The following CHD1L variants were observed in gnomAD, a reference collection of about 807,000 sequenced individuals.
CHD1L encodes the protein ATP-dependent chromatin remodeler CHD1L.
A neutral mutation model predicts 115.9 loss-of-function variants in CHD1L; 118 were observed. The ratio of observed to expected loss-of-function variants is 1.02; its 90% confidence interval spans 0.88 to 1.19. The LOEUF (loss-of-function observed/expected upper bound fraction) is 1.19. Ranked by LOEUF, CHD1L falls within the 50% of genes most tolerant of loss-of-function variation. The pLI is 0.00. For missense variants in CHD1L, 1,179 were observed against 1,065.3 expected, an observed-to-expected ratio of 1.11 and a Z score of -1.49; for synonymous variants, 411 against 387.1, an observed-to-expected ratio of 1.06 and a Z score of -0.72.
At chr1:147,281,742 TA>T (rs1354545993) in intron 15 of CHD1L, among the ~76,000 whole-genome samples, 1 of 152,020 alleles carries the variant, frequency 6.6e-6, no homozygotes, top group Non-Finnish European at 1.5e-5. Context: ...TACATCTTTT[TA>T]AAAAGTATTT....
intron 12 of CHD1L, among the ~76,000 whole-genome samples, chr1:147,273,747 CAG>C (rs1225977611): frequency 6.6e-6 from 1 of 152,214 alleles, no homozygotes; most frequent in African/African-American, 2.4e-5. Context: ...TTGGAGGACT[CAG>C]AGTAGATCTG....
chr1:147,288,295 A>T (rs1406868817), intron 19 of CHD1L, among the ~76,000 whole-genome samples: 2 of 137,190 alleles, frequency 1.5e-5, no homozygotes, highest in Non-Finnish European at 3.1e-5. Flanking sequence ...ACTGTACTAC[A>T]GCCTGAGTGA....
chr1:147,263,957 A>G lies in CHD1L; in HGVS notation c.577-465A>G, dbSNP rs975273755. On this transcript the variant is annotated intron_variant, in intron 6 of 22. Coordinates refer to ENST00000369258, the MANE Select transcript of CHD1L (RefSeq NM_004284.6). ...GCACCATTAAATTTTATAAAAGGAA[A>G]GTCTCCTATTATAAATCTTACTTAT... is the stretch of plus-strand genomic sequence containing the variant. Among the ~76,000 whole-genome samples the G allele has an allele frequency of 7.9e-5, 12 of 152,324 alleles. No homozygotes were observed. The East Asian group carries it at 9.6e-4, about 12-fold the overall frequency.
the CHD1L span, among the ~76,000 whole-genome samples, chr1:147,201,803 G>A: frequency 6.6e-6 from 1 of 152,118 alleles, no homozygotes; most frequent in Non-Finnish European, 1.5e-5. Context: ...GATATGATAA[G>A]GCCACAGGTC....
At chr1:147,284,539 C>T (rs782676760) in intron 16 of CHD1L, 40 bp downstream of exon 16, 1 of 1,462,964 alleles carries the variant, frequency 6.8e-7, no homozygotes, top group East Asian at 2.5e-5. Flanking sequence ...TTCTTCCAAA[C>T]TCTCATTCTA....
At chr1:147,274,237 T>A (rs1266770017) in intron 12 of CHD1L, among the ~76,000 whole-genome samples, 2 of 152,190 alleles carry the variant, frequency 1.3e-5, no homozygotes, top group Non-Finnish European at 2.9e-5. Context: ...CCGACAGGGT[T>A]GTTGTGAGGG....
rs782001739 is a variant in CHD1L, at chr1:147,286,388, C to G, written c.2109C>G (p.Ser703Arg). Residue 703 changes from serine to arginine, a missense_variant, in exon 18 of 23, where the codon AGC becomes AGG. Ser to Arg is a moderately radical substitution (Grantham distance 110). Transcript: ENST00000369258. ...EPEDLENGEE[S>R]SAELDYQDPD... ...AGGACCTTGAGAATGGGGAAGAGAG[C>G]TCTGCTGAGCTGGATTACCAAGACC... is the stretch of plus-strand genomic sequence containing the variant. The G allele has an allele frequency of 6.2e-7, 1 of 1,614,128 alleles. No individual in the cohort carries two copies. Among genetic ancestry groups the G allele is most frequent in the Non-Finnish European group, 8.5e-7 (1 of 1,180,010 alleles).
the CHD1L span, chr1:147,211,590 A>G: frequency 1.3e-3 from 201 of 152,360 alleles, 1 homozygote; most frequent in African/African-American, 4.7e-3. Context: ...AGCATGGCTT[A>G]ATTAAAGTTA....
At chr1:147,291,007 A>T (rs1179336915) in intron 19 of CHD1L, among the ~76,000 whole-genome samples, 1 of 152,216 alleles carries the variant, frequency 6.6e-6, no homozygotes, top group African/African-American at 2.4e-5. Flanking sequence ...CCGCTTTCAC[A>T]TCAGCTTATG....
At chr1:147,184,461 T>G in the CHD1L span, 1 of 1,404,070 alleles carries the variant, frequency 7.1e-7, no homozygotes, top group Non-Finnish European at 9.3e-7. This position sits in a 1 kb window ranked among gnomAD's most constrained non-coding sequence, Gnocchi z 4.4. Context: ...GTTGCAGGAG[T>G]CCATCCAGGA....
At chr1:147,266,572 C>G (rs587658702) in intron 8 of CHD1L, among the ~76,000 whole-genome samples, 1 of 152,236 alleles carries the variant, frequency 6.6e-6, no homozygotes, top group Non-Finnish European at 1.5e-5. Flanking sequence ...TTTTGTTCTG[C>G]GTATCCACGC....
the CHD1L span, among the ~76,000 whole-genome samples, chr1:147,206,806 T>TGATGTAAATGACAAGTTAATG: frequency 6.9e-6 from 1 of 144,582 alleles, no homozygotes. Flanking sequence ...GAGATATATC[T>TGATGTAAATGACAAGTTAATG]GATGTAAATG....
At chr1:147,294,940 G>A (rs1414507567) in intron 22 of CHD1L, among the ~76,000 whole-genome samples, 2 of 152,252 alleles carry the variant, frequency 1.3e-5, no homozygotes, top group African/African-American at 2.4e-5. Context: ...CCTTTTTGAT[G>A]TATTGTTAAA....
intron 19 of CHD1L, among the ~76,000 whole-genome samples, chr1:147,290,928 T>C (rs1685280126): frequency 6.6e-6 from 1 of 152,152 alleles, no homozygotes; most frequent in South Asian, 2.1e-4. Flanking sequence ...ACTGGGATTA[T>C]AGTCATGAGT....
intron 12 of CHD1L, chr1:147,272,517 T>A (rs1399652553): frequency 2.8e-6 from 1 of 361,480 alleles, no homozygotes; most frequent in Non-Finnish European, 5.0e-6. Context: ...AATTCTAATC[T>A]GCTTTGACCA....
At chr1:147,243,368 CT>C (rs2102210820) in intron 1 of CHD1L, among the ~76,000 whole-genome samples, 1 of 152,036 alleles carries the variant, frequency 6.6e-6, no homozygotes, top group South Asian at 2.1e-4. Context: ...AAGCAAAGCA[CT>C]GTTTATGAAG....
At chr1:147,268,917 A>G (rs11576360) in intron 10 of CHD1L, 39 bp downstream of exon 10, 234,938 of 1,502,684 alleles carry the variant, frequency 0.16, 21,633 homozygotes, top group East Asian at 0.38. Flanking sequence ...TGAGCTAATG[A>G]CTGTTAAAAC....
upstream of CHD1L, among the ~76,000 whole-genome samples, chr1:147,239,634 T>G (rs1223528298): frequency 1.3e-5 from 2 of 152,144 alleles, no homozygotes; most frequent in Non-Finnish European, 2.9e-5. Context: ...CATACAGTAT[T>G]CAGAGCAAAA....
intron 14 of CHD1L, 111 bp from the exon 15 acceptor site, chr1:147,279,915 T>A (rs1336625126): frequency 7.4e-6 from 8 of 1,083,700 alleles, no homozygotes; most frequent in Non-Finnish European, 1.1e-5. Context: ...GGCTGCCTGT[T>A]CATTAGAGAA....
Sources: gnomAD v4.1 joint callset for allele counts (sites outside exome capture counted in the v4.1 genomes callset) on GRCh38, gnomAD v4.1.1 for gene constraint, Gnocchi (gnomAD v3.1) non-coding constraint, MANE v1.5 for transcripts, NCBI Gene and HGNC (gene_info 2026-07-23, HGNC 2026-07-21) for gene names.